Variants in FAM13A observed in about 807,000 individuals in gnomAD.
FAM13A encodes protein FAM13A.
A neutral mutation model predicts 129.6 loss-of-function variants in FAM13A; 76 were observed. The observed-to-expected ratio is 0.59, with a 90% confidence interval of 0.49 to 0.71. FAM13A has a LOEUF of 0.71. Among genes scored for constraint, FAM13A ranks in the 30% least tolerant of loss-of-function variants. The probability of loss-of-function intolerance (pLI) is 0.00; values close to 1 mark genes in which losing one functional copy is unlikely to be tolerated. For missense variants in FAM13A, 1,108 were observed against 1,249.3 expected, an observed-to-expected ratio of 0.89 and a Z score of 1.70; for synonymous variants, 443 against 449.9, an observed-to-expected ratio of 0.98 and a Z score of 0.20.
intron 3 of FAM13A, among the ~76,000 whole-genome samples, chr4:89,014,700 T>C (rs1413729704): frequency 6.6e-6 from 1 of 152,246 alleles, no homozygotes; most frequent in Non-Finnish European, 1.5e-5. Context: ...CCCCAGTCAA[T>C]ATTCTTGTGA....
intron 1 of FAM13A, among the ~76,000 whole-genome samples, chr4:89,041,718 C>T (rs1402749146): frequency 2.6e-5 from 4 of 151,864 alleles, no homozygotes; most frequent in Non-Finnish European, 5.9e-5. Context: ...CCCAGGAGTT[C>T]GAGACCAGCC....
chr4:88,756,520 C>T (rs531317858), intron 14 of FAM13A, among the ~76,000 whole-genome samples: 1 of 152,038 alleles, frequency 6.6e-6, no homozygotes, highest in Non-Finnish European at 1.5e-5. Flanking sequence ...GAAGGAGCAA[C>T]CAAACCAAAA....
chr4:88,850,413 C>T (rs960638656), intron 7 of FAM13A, among the ~76,000 whole-genome samples: 19 of 151,970 alleles, frequency 1.3e-4, no homozygotes, highest in African/African-American at 3.9e-4. Flanking sequence ...AAAAATTAGC[C>T]GGGCATGGTG....
At chr4:88,881,168 C>A (rs572168322) in intron 6 of FAM13A, among the ~76,000 whole-genome samples, 113 of 152,314 alleles carry the variant, frequency 7.4e-4, no homozygotes, top group Non-Finnish European at 1.2e-3. Context: ...GGAAGCCAAC[C>A]AAATAAAACT....
Position 88,854,178 on chromosome 4 carries a change from T to A in FAM13A, c.844-2995A>T, listed in dbSNP as rs1738097652. On this transcript the variant is annotated intron_variant, in intron 6 of 23. Coordinates refer to ENST00000264344, the MANE Select transcript of FAM13A (RefSeq NM_014883.4). ...TTCTGTCCCTCTAGTGAACCCTGAC[T>A]AATATAAAAGAAAACTCCATGCTTT... Among the ~76,000 whole-genome samples the A allele has an allele frequency of 1.3e-5, 2 of 152,324 alleles. 1 individual carries two copies. The highest frequency in any genetic ancestry group is 4.2e-4 in the South Asian group (2 of 4,818).
chr4:88,794,641 C>A (rs1725803530), intron 8 of FAM13A, among the ~76,000 whole-genome samples: 1 of 151,774 alleles, frequency 6.6e-6, no homozygotes, highest in Non-Finnish European at 1.5e-5. Flanking sequence ...CATATAAAAT[C>A]CTGCCTGTAA....
At chr4:88,908,660 T>C (rs1748549502) in intron 5 of FAM13A, among the ~76,000 whole-genome samples, 1 of 152,240 alleles carries the variant, frequency 6.6e-6, no homozygotes, top group African/African-American at 2.4e-5. Flanking sequence ...ATGAATTATA[T>C]TTACTTTTTG....
intron 1 of FAM13A, among the ~76,000 whole-genome samples, chr4:89,035,953 T>C (rs1011000068): frequency 8.5e-5 from 13 of 152,260 alleles, no homozygotes; most frequent in Middle Eastern, 3.4e-3. Context: ...TACAGAATGA[T>C]ATAATTTGGA....
At chr4:88,830,195 A>T (rs1388817230) in intron 7 of FAM13A, among the ~76,000 whole-genome samples, 3 of 152,174 alleles carry the variant, frequency 2.0e-5, no homozygotes, top group African/African-American at 4.8e-5. Context: ...AGGTGCAAAG[A>T]AAAAACAGAT....
At chr4:88,888,190 T>A (rs2150151185) in intron 6 of FAM13A, among the ~76,000 whole-genome samples, 1 of 152,362 alleles carries the variant, frequency 6.6e-6, no homozygotes, top group Non-Finnish European at 1.5e-5. Flanking sequence ...TCTTTTTAAA[T>A]TTTCTACTTA....
chr4:89,018,186 C>T (rs1173496238), intron 3 of FAM13A, among the ~76,000 whole-genome samples: 1 of 152,020 alleles, frequency 6.6e-6, no homozygotes, highest in East Asian at 1.9e-4. Context: ...GTATTTGGGG[C>T]CTTTAAAGAG....
At chr4:88,850,657 G>A (rs553488714) in intron 7 of FAM13A, among the ~76,000 whole-genome samples, 1 of 152,260 alleles carries the variant, frequency 6.6e-6, no homozygotes, top group South Asian at 2.1e-4. Context: ...CTCAAAATTA[G>A]TTTGTGAGAG....
intron 6 of FAM13A, among the ~76,000 whole-genome samples, chr4:88,853,780 G>C (rs931906563): frequency 6.6e-6 from 1 of 152,200 alleles, no homozygotes; most frequent in Admixed American, 6.5e-5. Flanking sequence ...AGTCTAGGTC[G>C]ACACCATCTA....
chr4:89,006,589 T>C (rs1765056178), intron 3 of FAM13A, among the ~76,000 whole-genome samples: 1 of 152,182 alleles, frequency 6.6e-6, no homozygotes, highest in Admixed American at 6.5e-5. Context: ...TTACAATTAA[T>C]GGTCTTTTAG....
intron 19 of FAM13A, among the ~76,000 whole-genome samples, chr4:88,739,811 A>G (rs78417675): frequency 0.16 from 23,317 of 142,918 alleles, 2,604 homozygotes; most frequent in South Asian, 0.31. Flanking sequence ...AAAAAAATAC[A>G]TATCATGTAG....
At chr4:88,801,745 G>C (rs956730458) in intron 8 of FAM13A, among the ~76,000 whole-genome samples, 3 of 152,158 alleles carry the variant, frequency 2.0e-5, no homozygotes, top group Non-Finnish European at 2.9e-5. Context: ...AATTTGTAAA[G>C]AAGGAGTTCA....
chr4:88,752,360 G>A (rs183504253), intron 14 of FAM13A, among the ~76,000 whole-genome samples: 1 of 152,230 alleles, frequency 6.6e-6, no homozygotes, highest in Admixed American at 6.5e-5. Flanking sequence ...CATAAGAGTG[G>A]CAACTTTCTG....
At position 88,726,584 on chromosome 4, in the gene FAM13A, A is replaced by G. The variant is rs1483780749; in HGVS notation, c.*1949T>C. The stretch of plus-strand genomic sequence containing the variant: ...TTAAAAGCTAACTGGTAATGATCTG[A>G]TTAATATCATAGCTTATTTAAGAGA... On this transcript the variant is annotated 3_prime_UTR_variant, in exon 24 of 24. Coordinates refer to ENST00000264344, the MANE Select transcript of FAM13A (RefSeq NM_014883.4). The G allele has an allele frequency of 6.6e-6, 1 of 152,648 alleles. No homozygotes were observed. The highest frequency in any genetic ancestry group is 1.5e-5 in the Non-Finnish European group (1 of 68,040). 9.5% of individuals were successfully genotyped at this position (152,648 alleles called of 1,614,324 possible).
At position 88,800,663 on chromosome 4, in the gene FAM13A, C is replaced by A. The variant is rs1373241028; in HGVS notation, c.1049+4348G>T. 3.0e-5 allele frequency among the ~76,000 whole-genome samples: 4 copies of A among 133,194 alleles called. No individual in the cohort carries two copies. The Admixed American group carries it at 3.4e-4, about 11-fold the overall frequency. 87.4% of individuals were successfully genotyped at this position (133,194 alleles called of 152,430 possible). A position where few individuals can be genotyped will look rare whatever the true frequency, so the allele number is the denominator to read the frequency against. On this transcript the variant is annotated intron_variant, in intron 8 of 23. Coordinates refer to ENST00000264344, the MANE Select transcript of FAM13A (RefSeq NM_014883.4). ...TTGTGCCACTACACTCCAGCCCGGG[C>A]GACAGAGTGAGACTCCATCTCAGAA... is the stretch of plus-strand genomic sequence containing the variant.
Sources: gnomAD v4.1 joint callset for allele counts (sites outside exome capture counted in the v4.1 genomes callset) on GRCh38, gnomAD v4.1.1 for gene constraint, MANE v1.5 for transcripts, NCBI Gene and HGNC (gene_info 2026-07-23, HGNC 2026-07-21) for gene names.